The following PDSS1 variants were observed in gnomAD, a reference collection of about 807,000 sequenced individuals.
PDSS1 encodes decaprenyl diphosphate synthase subunit 1, also known as all trans-polyprenyl-diphosphate synthase PDSS1.
Under a neutral mutation model 57.5 loss-of-function variants are expected in PDSS1, and 43 were observed. That is an observed-to-expected ratio of 0.75 (90% CI 0.59 to 0.96). PDSS1 has a LOEUF of 0.96. PDSS1 is among the 50% of genes least tolerant of loss of function. The pLI, the probability that PDSS1 is intolerant of heterozygous loss-of-function variation, is 0.00. For missense variants in PDSS1, 438 were observed against 527.8 expected (o/e 0.83, Z 1.67); for synonymous variants, 175 against 191.3 (o/e 0.91, Z 0.70).
Position 26,735,481 on chromosome 10 carries a change from T to C in PDSS1, c.928T>C (p.Leu310=), listed in dbSNP as rs749936117. The change falls in exon 10 of 12, where the codon TTG becomes CTG. Residue 310 remains leucine (L), a synonymous_variant. Coordinates refer to ENST00000376215, the MANE Select transcript of PDSS1 (RefSeq NM_014317.5). Reference sequence around the variant, plus strand: ...CTTTTGCCAGCTAATAGATGATGTATTGGACTTCACCTCGTGTTCTGACCA... The same window carrying C: ...CTTTTGCCAGCTAATAGATGATGTACTGGACTTCACCTCGTGTTCTGACCA... ...GIAFQLIDDV[L]DFTSCSDQMG... 19 of 1,611,220 alleles carry C rather than the reference T, an allele frequency of 1.2e-5. No homozygotes were observed. The highest frequency in any genetic ancestry group is 9.3e-6 in the Non-Finnish European group (11 of 1,177,322).
chr10:26,724,271 A>G (rs1254590018), intron 8 of PDSS1, 148 bp downstream of exon 8: 1 of 690,424 alleles, frequency 1.4e-6, no homozygotes, highest in Non-Finnish European at 2.6e-6. Context: ...ATCCCCAAAC[A>G]ATAGAGGACT....
intron 8 of PDSS1, among the ~76,000 whole-genome samples, chr10:26,729,768 TA>T (rs1373186755): frequency 6.6e-6 from 1 of 152,230 alleles, no homozygotes; most frequent in Non-Finnish European, 1.5e-5. Context: ...TTAACCCATT[TA>T]TGCCTAGTGT....
chr10:26,725,864 C>T (rs1835933620), intron 8 of PDSS1, among the ~76,000 whole-genome samples: 1 of 152,086 alleles, frequency 6.6e-6, no homozygotes, highest in Non-Finnish European at 1.5e-5. Context: ...TTGCTTGTGA[C>T]CAGAAGTTCA....
chr10:26,709,501 C>T, intron 4 of PDSS1, 137 bp from the exon 5 acceptor site: 3 of 848,552 alleles, frequency 3.5e-6, no homozygotes, highest in Non-Finnish European at 5.9e-6. Flanking sequence ...GCGGAGGTTA[C>T]AATGAGCTGA....
chr10:26,743,355 TGA>T (rs995948967), intron 11 of PDSS1, among the ~76,000 whole-genome samples: 1 of 152,024 alleles, frequency 6.6e-6, no homozygotes, highest in Admixed American at 6.6e-5. Flanking sequence ...AAGTGTGGCA[TGA>T]GATCTGTACT....
chr10:26,703,663 C>T (rs888083105), intron 2 of PDSS1, among the ~76,000 whole-genome samples: 4 of 152,172 alleles, frequency 2.6e-5, no homozygotes, highest in Admixed American at 6.5e-5. Flanking sequence ...TCTTGTTGCA[C>T]TGTAATTGCC....
chr10:26,725,432 G>A (rs940728468), intron 8 of PDSS1, among the ~76,000 whole-genome samples: 1 of 152,146 alleles, frequency 6.6e-6, no homozygotes, highest in Non-Finnish European at 1.5e-5. Context: ...TGTGAATTAT[G>A]TAGAACATGC....
chr10:26,707,429 T>G (rs1438389784), intron 4 of PDSS1, among the ~76,000 whole-genome samples: 1 of 152,156 alleles, frequency 6.6e-6, no homozygotes, highest in African/African-American at 2.4e-5. Flanking sequence ...CACGTGATGG[T>G]CGCCTTCCTG....
intron 8 of PDSS1, among the ~76,000 whole-genome samples, chr10:26,733,204 C>A (rs558856551): frequency 6.6e-6 from 1 of 152,306 alleles, no homozygotes; most frequent in East Asian, 1.9e-4. Flanking sequence ...GCTTCACTAT[C>A]AGTTATTTCT....
intron 1 of PDSS1, among the ~76,000 whole-genome samples, chr10:26,700,523 G>C (rs920534388): frequency 6.6e-6 from 1 of 152,110 alleles, no homozygotes; most frequent in African/African-American, 2.4e-5. Flanking sequence ...TCAAGGGAGG[G>C]ACCAGGTGGA....
intron 8 of PDSS1, among the ~76,000 whole-genome samples, chr10:26,727,898 GCCTCT>G (rs200540242): frequency 0.028 from 4,192 of 152,174 alleles, 80 homozygotes; most frequent in Non-Finnish European, 0.042. Flanking sequence ...ATGTTGTTGA[GCCTCT>G]CAGTCGGGCT....
At chr10:26,726,227 C>T (rs928086166) in intron 8 of PDSS1, among the ~76,000 whole-genome samples, 1 of 152,166 alleles carries the variant, frequency 6.6e-6, no homozygotes, top group Non-Finnish European at 1.5e-5. Flanking sequence ...AGCAGCTGAA[C>T]GAACAGTGAA....
At chr10:26,720,011 G>T in intron 5 of PDSS1, 1 of 644,350 alleles carries the variant, frequency 1.6e-6, no homozygotes, top group Non-Finnish European at 2.6e-6. Flanking sequence ...TCTTCAATGG[G>T]GAATTCATAA....
Position 26,724,653 on chromosome 10 carries a change from CT to C in PDSS1, c.831+531del, listed in dbSNP as rs1172767137. Among the ~76,000 whole-genome samples, 10 of 152,246 alleles carry C rather than the reference CT, an allele frequency of 6.6e-5. No homozygotes were observed. In the East Asian group the frequency reaches 1.7e-3, roughly 26 times the overall value. On this transcript the variant is annotated intron_variant, in intron 8 of 11. Transcript: ENST00000376215. ...AAAGCAGTGGTGTGATCTTGGCTCA[CT>C]ACAACCTCCACCTCCCAGGTTCAGG...
chr10:26,700,330 G>A (rs117409913), intron 1 of PDSS1, among the ~76,000 whole-genome samples: 55 of 148,132 alleles, frequency 3.7e-4, no homozygotes, highest in East Asian at 2.0e-3. Flanking sequence ...TTAGCTGAGC[G>A]TGGTGGCTCA....
In PDSS1 at chr10:26,711,635, C is replaced by T. The variant is rs145024740; in HGVS notation, c.467+1867C>T. Among the ~76,000 whole-genome samples the T allele has an allele frequency of 1.5e-3, 150 of 98,210 alleles. 41 individuals carry two copies. Among genetic ancestry groups the T allele is most frequent in the African/African-American group, 4.4e-3 (134 of 30,280 alleles). 64.4% of individuals were successfully genotyped at this position (98,210 alleles called of 152,430 possible). A position where few individuals can be genotyped will look rare whatever the true frequency, so the allele number is the denominator to read the frequency against. The stretch of plus-strand genomic sequence containing the variant: ...TCTCCTGCAGTCCAGAGCAGAGTTC[C>T]GCAGCCTCGGGACTGTTGAAATTTT... On this transcript the variant is annotated intron_variant, in intron 5 of 11. Coordinates refer to ENST00000376215, the MANE Select transcript of PDSS1 (RefSeq NM_014317.5).
At position 26,724,028 on chromosome 10, in the gene PDSS1, C is replaced by A; in HGVS notation, c.736C>A (p.Leu246Ile). Residue 246 changes from leucine (L) to isoleucine (I), a missense_variant, in exon 8 of 12, where the codon CTC (leucine) becomes ATC (isoleucine). By Grantham distance (5) the Leu-to-Ile change is conservative (BLOSUM62 2). Coordinates refer to ENST00000376215, the MANE Select transcript of PDSS1 (RefSeq NM_014317.5). ...EDLVRGEFLQ[L>I]GSKENENERF... ...CTTCTTTATAGGTGAATTTCTTCAG[C>A]TCGGGTCAAAAGAAAATGAGAATGA... is the stretch of plus-strand genomic sequence containing the variant. 6.2e-7 allele frequency: 1 copy of A among 1,613,610 alleles called. No individual in the cohort carries two copies. The highest frequency in any genetic ancestry group is 8.5e-7 in the Non-Finnish European group (1 of 1,179,576).
At chr10:26,704,805 A>G (rs980976707) in intron 3 of PDSS1, 64 bp downstream of exon 3, 2 of 935,502 alleles carry the variant, frequency 2.1e-6, no homozygotes, top group Admixed American at 3.4e-5. Context: ...TGTTGTTTAA[A>G]AAATTTTTTT....
At chr10:26,725,902 C>A (rs1157042846) in intron 8 of PDSS1, among the ~76,000 whole-genome samples, 1 of 152,114 alleles carries the variant, frequency 6.6e-6, no homozygotes, top group African/African-American at 2.4e-5. Context: ...ATAGCAAGAT[C>A]CCCATCTCTA....
Sources: gnomAD v4.1 joint callset for allele counts (sites outside exome capture counted in the v4.1 genomes callset) on GRCh38, gnomAD v4.1.1 for gene constraint, MANE v1.5 for transcripts, NCBI Gene and HGNC (gene_info 2026-07-23, HGNC 2026-07-21) for gene names.